The following MACROD2 variants were observed in gnomAD, a reference collection of about 807,000 sequenced individuals.
The protein encoded by MACROD2 is mono-ADP ribosylhydrolase 2, also known as ADP-ribose glycohydrolase MACROD2.
In MACROD2, 36 loss-of-function variants were observed where a neutral mutation model predicts 70.4. The ratio of observed to expected loss-of-function variants is 0.51; its 90% CI spans 0.39 to 0.68. MACROD2 has a LOEUF of 0.68. Among genes scored for constraint, MACROD2 ranks in the 30% least tolerant of loss-of-function variants. The probability of loss-of-function intolerance (pLI) is 0.00; values close to 1 mark genes in which losing one functional copy is unlikely to be tolerated. For synonymous variants in MACROD2, 172 were observed against 178.8 expected (o/e 0.96, Z 0.30); for missense variants, 496 against 538.4 (o/e 0.92, Z 0.78).
At chr20:15,328,649 A>G (rs904816953) in intron 6 of MACROD2, among the ~76,000 whole-genome samples, 2 of 152,128 alleles carry the variant, frequency 1.3e-5, no homozygotes, top group African/African-American at 4.8e-5. Context: ...CCTGCTGGCC[A>G]TATCAGTGGA....
At chr20:15,966,430 G>T (rs2066140252) in intron 12 of MACROD2, among the ~76,000 whole-genome samples, 1 of 152,132 alleles carries the variant, frequency 6.6e-6, no homozygotes, top group African/African-American at 2.4e-5. Flanking sequence ...TTTGTTTCCT[G>T]TTGGCTCCCC....
intron 4 of MACROD2, among the ~76,000 whole-genome samples, chr20:14,606,276 C>T (rs1167325587): frequency 6.6e-6 from 1 of 151,986 alleles, no homozygotes; most frequent in Non-Finnish European, 1.5e-5. Flanking sequence ...GTATGAGTGA[C>T]CTTTAGCAAG....
chr20:15,178,273 T>A (rs377452982), intron 5 of MACROD2, among the ~76,000 whole-genome samples: 75 of 152,288 alleles, frequency 4.9e-4, no homozygotes, highest in African/African-American at 1.8e-3. Flanking sequence ...TGCAGGTACT[T>A]CTCAGCTGGC....
chr20:15,930,231 G>C (rs900901137), intron 10 of MACROD2, among the ~76,000 whole-genome samples: 1 of 152,124 alleles, frequency 6.6e-6, no homozygotes, highest in Non-Finnish European at 1.5e-5. Flanking sequence ...ACGATAGCTA[G>C]ACAGACAAGG....
intron 8 of MACROD2, among the ~76,000 whole-genome samples, chr20:15,526,825 A>T (rs979925650): frequency 6.6e-6 from 1 of 152,166 alleles, no homozygotes; most frequent in African/African-American, 2.4e-5. Flanking sequence ...CCTAAAAGTG[A>T]CCTTCCTAGA....
At chr20:15,081,042 C>A (rs888890096) in intron 5 of MACROD2, among the ~76,000 whole-genome samples, 1 of 152,044 alleles carries the variant, frequency 6.6e-6, no homozygotes, top group Non-Finnish European at 1.5e-5. Context: ...AGGCCAGGAG[C>A]TTTTTGTCTT....
intron 15 of MACROD2, among the ~76,000 whole-genome samples, chr20:15,989,820 G>A (rs80086707): frequency 1.1e-4 from 5 of 45,568 alleles, no homozygotes; most frequent in African/African-American, 4.3e-4. Context: ...GAGGCAGAAA[G>A]TGATTCCTTT....
intron 5 of MACROD2, among the ~76,000 whole-genome samples, chr20:14,856,634 G>T (rs1282207866): frequency 6.6e-6 from 1 of 152,126 alleles, no homozygotes; most frequent in Non-Finnish European, 1.5e-5. Flanking sequence ...CCTTTAATGT[G>T]AACATGAATA....
chr20:14,415,380 A>T (rs866221483), intron 3 of MACROD2, among the ~76,000 whole-genome samples: 10 of 148,204 alleles, frequency 6.7e-5, no homozygotes, highest in South Asian at 6.2e-4. Flanking sequence ...AAATATTTGC[A>T]TGTATATTTA....
chr20:15,320,182 A>C (rs1047664748), intron 6 of MACROD2, among the ~76,000 whole-genome samples: 1 of 152,172 alleles, frequency 6.6e-6, no homozygotes, highest in African/African-American at 2.4e-5. Context: ...CCAGCCTGGC[A>C]ACAGGGCAAG....
At chr20:14,250,922 G>A (rs537000380) in intron 3 of MACROD2, among the ~76,000 whole-genome samples, 2 of 151,976 alleles carry the variant, frequency 1.3e-5, no homozygotes, top group East Asian at 3.9e-4. Context: ...TTTTGTTATG[G>A]TTCCTCATGG....
At chr20:14,205,232 T>G (rs1171539945) in intron 3 of MACROD2, among the ~76,000 whole-genome samples, 6 of 152,142 alleles carry the variant, frequency 3.9e-5, no homozygotes, top group Non-Finnish European at 1.5e-5. Flanking sequence ...GAATCCTTCT[T>G]AAGATAATAC....
intron 3 of MACROD2, among the ~76,000 whole-genome samples, chr20:14,227,339 C>G (rs912326183): frequency 1.3e-5 from 2 of 152,168 alleles, no homozygotes; most frequent in African/African-American, 2.4e-5. Context: ...TTCTTTTGCT[C>G]TTTGCAATAA....
chr20:15,539,699 G>A (rs6043351), intron 8 of MACROD2, among the ~76,000 whole-genome samples: 19,017 of 152,126 alleles, frequency 0.13, 1,339 homozygotes, highest in East Asian at 0.29. Context: ...TACTTAGAAG[G>A]TTCTTGAGCC....
At chr20:16,034,685 A>T (rs1290794331) in intron 15 of MACROD2, among the ~76,000 whole-genome samples, 1 of 151,828 alleles carries the variant, frequency 6.6e-6, no homozygotes, top group African/African-American at 2.4e-5. Flanking sequence ...TCCATAAGTT[A>T]TTGGGGTACA....
At chr20:15,631,028 G>A (rs1005241888) in intron 8 of MACROD2, among the ~76,000 whole-genome samples, 6 of 152,186 alleles carry the variant, frequency 3.9e-5, no homozygotes, top group Non-Finnish European at 7.3e-5. Context: ...TTTATAGGAA[G>A]GTCTGCCTTT....
intron 3 of MACROD2, among the ~76,000 whole-genome samples, chr20:14,230,654 T>TATATATATATATATAAA: frequency 1.2e-4 from 9 of 74,228 alleles, no homozygotes; most frequent in African/African-American, 6.1e-4. Flanking sequence ...TATATATATA[T>TATATATATATATATAAA]AACACAGGCT....
At chr20:14,736,913 GA>G (rs1441373756) in intron 5 of MACROD2, among the ~76,000 whole-genome samples, 14 of 152,058 alleles carry the variant, frequency 9.2e-5, no homozygotes, top group South Asian at 6.2e-4. Context: ...AAGATGTTAA[GA>G]AAATTATACA....
chr20:14,443,693 G>A (rs1332234943), intron 3 of MACROD2, among the ~76,000 whole-genome samples: 1 of 152,238 alleles, frequency 6.6e-6, no homozygotes, highest in East Asian at 1.9e-4. Flanking sequence ...AGAAATATTA[G>A]TGAGTGTATC....
Sources: allele counts gnomAD v4.1 joint callset (sites outside exome capture counted in the v4.1 genomes callset), GRCh38; gene constraint gnomAD v4.1.1; transcripts MANE v1.5; gene names NCBI Gene and HGNC (gene_info 2026-07-23, HGNC 2026-07-21).